The following ANKRD45 variants were observed in gnomAD, a reference collection of about 807,000 sequenced individuals.
ANKRD45 encodes the protein ankyrin repeat domain 45, also known as ankyrin repeat domain-containing protein 45.
A neutral mutation model predicts 28.1 loss-of-function variants in ANKRD45; 21 were observed. The ratio of observed to expected loss-of-function variants is 0.75; its 90% CI spans 0.53 to 1.08. The LOEUF (loss-of-function observed/expected upper bound fraction) is 1.08, where lower values mean the gene tolerates loss of function less well. Ranked by LOEUF, ANKRD45 falls within the 50% of genes least tolerant of loss-of-function variation. ANKRD45 has a pLI of 0.00. For synonymous variants in ANKRD45, 86 were observed against 103.9 expected, an observed-to-expected ratio of 0.83 and a Z score of 1.05; for missense variants, 261 against 308.7, an observed-to-expected ratio of 0.85 and a Z score of 1.16.
chr1:173,637,142 C>A, intron 3 of ANKRD45: 1 of 865,368 alleles, frequency 1.2e-6, no homozygotes, highest in Non-Finnish European at 1.7e-6. Context: ...AAACTTTTTG[C>A]CACAATCTTT....
At chr1:173,623,505 T>C (rs181305761) in intron 5 of ANKRD45, among the ~76,000 whole-genome samples, 1 of 152,286 alleles carries the variant, frequency 6.6e-6, no homozygotes, top group African/African-American at 2.4e-5. Flanking sequence ...TTATACACTG[T>C]TGGTAGGAAT....
intron 1 of ANKRD45, among the ~76,000 whole-genome samples, chr1:173,666,208 T>C (rs1235419786): frequency 6.6e-6 from 1 of 152,216 alleles, no homozygotes; most frequent in African/African-American, 2.4e-5. Flanking sequence ...CTAGAACTTA[T>C]ACTATCAGCT....
chr1:173,695,314 C>T, the ANKRD45 span, among the ~76,000 whole-genome samples: 11,460 of 152,134 alleles, frequency 0.075, 1,432 homozygotes, highest in African/African-American at 0.26. Context: ...GTAGTGAACA[C>T]AGTACCCAAT....
intron 1 of ANKRD45, among the ~76,000 whole-genome samples, chr1:173,662,166 C>T (rs772405269): frequency 7.2e-5 from 11 of 152,106 alleles, no homozygotes; most frequent in Non-Finnish European, 1.5e-4. Flanking sequence ...TGAAGAAAAC[C>T]TTATTTACAA....
At chr1:173,698,763 G>C in the ANKRD45 span, among the ~76,000 whole-genome samples, 2 of 152,078 alleles carry the variant, frequency 1.3e-5, no homozygotes, top group African/African-American at 4.8e-5. Flanking sequence ...AAAAGAACTA[G>C]AGAAGCAAGA....
At chr1:173,659,538 T>C in intron 1 of ANKRD45, 105 bp from the exon 2 acceptor site, 1 of 1,000,570 alleles carries the variant, frequency 1.0e-6, no homozygotes, top group Non-Finnish European at 1.4e-6. Context: ...ATAAAAATAC[T>C]TAACTATTTG....
the ANKRD45 span, among the ~76,000 whole-genome samples, chr1:173,713,163 A>G: frequency 6.6e-6 from 1 of 152,214 alleles, no homozygotes; most frequent in African/African-American, 2.4e-5. Context: ...ATGCAGTAAA[A>G]ATTTTCAATA....
intron 3 of ANKRD45, among the ~76,000 whole-genome samples, chr1:173,643,101 A>G (rs1668769805): frequency 6.6e-6 from 1 of 152,010 alleles, no homozygotes; most frequent in Non-Finnish European, 1.5e-5. Context: ...TATATAGAAT[A>G]GAAGCTTAAT....
the ANKRD45 span, among the ~76,000 whole-genome samples, chr1:173,706,331 T>C: frequency 6.7e-6 from 1 of 148,460 alleles, no homozygotes; most frequent in Non-Finnish European, 1.5e-5. Flanking sequence ...ATCCTCCTTG[T>C]TTTGTTTTGC....
intron 3 of ANKRD45, among the ~76,000 whole-genome samples, chr1:173,640,031 C>G (rs1405790728): frequency 6.6e-6 from 1 of 152,140 alleles, no homozygotes; most frequent in South Asian, 2.1e-4. Flanking sequence ...AACCATTTAA[C>G]CAAATTAGTT....
chr1:173,673,627 G>A (rs1428162789), upstream of ANKRD45, among the ~76,000 whole-genome samples: 1 of 148,416 alleles, frequency 6.7e-6, no homozygotes, highest in Non-Finnish European at 1.5e-5. Context: ...CTATAAGAAA[G>A]TGATATTATT....
intron 3 of ANKRD45, among the ~76,000 whole-genome samples, chr1:173,645,141 T>C (rs1668868961): frequency 6.6e-6 from 1 of 152,220 alleles, no homozygotes; most frequent in Admixed American, 6.5e-5. Context: ...AGATTGCTTA[T>C]AGAAAATATT....
At chr1:173,714,872 AC>A in the ANKRD45 span, 1 of 152,122 alleles carries the variant, frequency 6.6e-6, no homozygotes, top group African/African-American at 2.4e-5. Flanking sequence ...CCGCACCGGA[AC>A]CCCTTGGCGG....
chr1:173,613,365 G>A (rs534963744), intron 5 of ANKRD45, among the ~76,000 whole-genome samples: 48 of 150,898 alleles, frequency 3.2e-4, no homozygotes, highest in Non-Finnish European at 5.6e-4. Context: ...CAGCCGCCCC[G>A]TCTGAGAAGT....
In ANKRD45 at chr1:173,659,120, CCAT is replaced by C; in HGVS notation, c.296_298del (p.Tyr99_Gly100delinsCys). The stretch of plus-strand genomic sequence containing the variant: ...GGTGGTTTTTTCATTCAGATTCACA[CCAT>C]ATTTTGCCAAAGCTCTAATCACGTC... On this transcript the variant is annotated inframe_deletion, in exon 2 of 6. Transcript: ENST00000333279. 3.1e-6 allele frequency: 5 copies of C among 1,613,904 alleles called. No individual in the cohort carries two copies. Among genetic ancestry groups the C allele is most frequent in the Non-Finnish European group, 4.2e-6 (5 of 1,179,902 alleles).
chr1:173,612,300 GA>G (rs146518309), intron 5 of ANKRD45, among the ~76,000 whole-genome samples: 1 of 139,912 alleles, frequency 7.1e-6, no homozygotes, highest in African/African-American at 2.7e-5. Context: ...AGGAAAGAAG[GA>G]AAGAAGGAAG....
intron 3 of ANKRD45, among the ~76,000 whole-genome samples, chr1:173,629,584 A>T (rs1345068262): frequency 2.6e-5 from 4 of 152,100 alleles, no homozygotes; most frequent in African/African-American, 9.7e-5. Context: ...AAGCCTAAAG[A>T]CAGGTTATTT....
chr1:173,628,586 T>C (rs897885541), intron 3 of ANKRD45, among the ~76,000 whole-genome samples: 2 of 152,072 alleles, frequency 1.3e-5, no homozygotes, highest in Non-Finnish European at 2.9e-5. Flanking sequence ...GGACTTTGTC[T>C]TATGGCTCGG....
chr1:173,697,858 G>C, the ANKRD45 span, among the ~76,000 whole-genome samples: 2 of 152,004 alleles, frequency 1.3e-5, no homozygotes, highest in African/African-American at 4.8e-5. Flanking sequence ...CCAATTAAAA[G>C]ACACAGACTA....
Sources: allele counts gnomAD v4.1 joint callset (sites outside exome capture counted in the v4.1 genomes callset), GRCh38; gene constraint gnomAD v4.1.1; transcripts MANE v1.5; gene names NCBI Gene and HGNC (gene_info 2026-07-23, HGNC 2026-07-21).